Variants in ERAP1 observed in about 807,000 individuals in gnomAD.
ERAP1 encodes the protein adipocyte-derived leucine aminopeptidase.
ERAP1 carries 86 observed loss-of-function variants against 103.7 expected under a neutral mutation model. The observed-to-expected ratio is 0.83, with a 90% CI of 0.70 to 0.99. The LOEUF (loss-of-function observed/expected upper bound fraction) is 0.99, where lower values mean the gene tolerates loss of function less well. Among genes scored for constraint, ERAP1 ranks in the 50% least tolerant of loss-of-function variants. ERAP1 has a pLI of 0.00. For synonymous variants in ERAP1, 398 were observed against 402.4 expected (o/e 0.99, Z 0.13); for missense variants, 1,009 against 1,128.4 (o/e 0.89, Z 1.52).
chr5:96,853,617 T>A, the ERAP1 span, among the ~76,000 whole-genome samples: 1 of 152,228 alleles, frequency 6.6e-6, no homozygotes, highest in East Asian at 1.9e-4. Context: ...AGGAAGGGTT[T>A]TATGATGTGT....
intron 7 of ERAP1, among the ~76,000 whole-genome samples, 165 bp from the exon 8 acceptor site, chr5:96,792,357 C>A (rs1214944097): frequency 6.6e-6 from 1 of 152,114 alleles, no homozygotes; most frequent in African/African-American, 2.4e-5. Flanking sequence ...TTAATATATT[C>A]TAAAAGCTAC....
At chr5:96,913,584 A>G in the ERAP1 span, 1 of 1,172,324 alleles carries the variant, frequency 8.5e-7, no homozygotes. Flanking sequence ...AGTTCAGTGG[A>G]GTCAACTTTG....
chr5:96,770,485 A>G (rs1366211261), downstream of ERAP1: 9 of 1,213,370 alleles, frequency 7.4e-6, no homozygotes, highest in South Asian at 9.7e-5. Flanking sequence ...TAATTGCTAG[A>G]TGGATTGGTG....
intron 8 of ERAP1, among the ~76,000 whole-genome samples, chr5:96,791,483 A>T (rs1776730378): frequency 6.6e-6 from 1 of 152,198 alleles, no homozygotes; most frequent in African/African-American, 2.4e-5. Context: ...TGGCAGGGAA[A>T]GTGGAAAAGC....
the ERAP1 span, among the ~76,000 whole-genome samples, chr5:96,861,056 C>A: frequency 6.6e-6 from 1 of 151,962 alleles, no homozygotes. Flanking sequence ...ATTCTGTGGC[C>A]AAATTGTCTC....
intron 1 of ERAP1, among the ~76,000 whole-genome samples, chr5:96,805,214 C>T (rs1036108843): frequency 2.0e-5 from 3 of 152,032 alleles, no homozygotes; most frequent in African/African-American, 7.2e-5. Context: ...CTAACTCTGG[C>T]TGCATATTAA....
the ERAP1 span, among the ~76,000 whole-genome samples, chr5:96,891,723 T>C: frequency 6.6e-6 from 1 of 152,002 alleles, no homozygotes; most frequent in Non-Finnish European, 1.5e-5. Flanking sequence ...CAGAATCAAT[T>C]CCCAGAGCTT....
At chr5:96,831,153 G>C in the ERAP1 span, among the ~76,000 whole-genome samples, 3 of 152,330 alleles carry the variant, frequency 2.0e-5, no homozygotes, top group South Asian at 6.2e-4. Flanking sequence ...TTACAATCAT[G>C]GTGGAAGGTA....
chr5:96,916,253 A>C, the ERAP1 span, among the ~76,000 whole-genome samples: 1 of 151,346 alleles, frequency 6.6e-6, no homozygotes, highest in East Asian at 1.9e-4. Context: ...AAAACAAAAA[A>C]CAACAGCAAA....
At chr5:96,853,612 G>A in the ERAP1 span, among the ~76,000 whole-genome samples, 1 of 152,022 alleles carries the variant, frequency 6.6e-6, no homozygotes. Context: ...CTCCCAGGAA[G>A]GGTTTTATGA....
At chr5:96,913,795 G>C in the ERAP1 span, among the ~76,000 whole-genome samples, 1 of 152,186 alleles carries the variant, frequency 6.6e-6, no homozygotes, top group Admixed American at 6.5e-5. Flanking sequence ...AAGATGCCTT[G>C]TATAGTGCAT....
rs41276271 is a variant in ERAP1, at chr5:96,793,980, A to G, written c.920-23T>C. The stretch of plus-strand genomic sequence containing the variant: ...GATCTTGGGAAGGAAGTAATAAAAT[A>G]CATTACCAGTCTCTAAGCTATACAT... On this transcript the variant is annotated intron_variant, in intron 5 of 18. Transcript: ENST00000443439. 15,608 of 1,612,646 alleles carry G rather than the reference A, an allele frequency of 9.7e-3. 97 individuals carry two copies. Among genetic ancestry groups the G allele is most frequent in the Non-Finnish European group, 0.011 (13,444 of 1,178,708 alleles).
At chr5:96,901,455 C>T in the ERAP1 span, 2 of 1,583,894 alleles carry the variant, frequency 1.3e-6, no homozygotes, top group Middle Eastern at 3.4e-4. Context: ...GTCCCTCTGT[C>T]TTTGGATTGT....
the ERAP1 span, chr5:96,880,039 G>A: frequency 1.1e-5 from 18 of 1,613,990 alleles, no homozygotes; most frequent in Middle Eastern, 3.3e-4. Flanking sequence ...TTGAAATCAC[G>A]AATGCCACCC....
At chr5:96,864,560 TC>T in the ERAP1 span, among the ~76,000 whole-genome samples, 1 of 152,122 alleles carries the variant, frequency 6.6e-6, no homozygotes, top group Admixed American at 6.5e-5. Context: ...TAAACAGAAG[TC>T]ATATTTCAGC....
upstream of ERAP1, among the ~76,000 whole-genome samples, chr5:96,808,811 T>A (rs1778970364): frequency 6.6e-6 from 1 of 152,142 alleles, no homozygotes; most frequent in Admixed American, 6.5e-5. Flanking sequence ...AAACACCAAA[T>A]GCTACAAGTT....
the ERAP1 span, among the ~76,000 whole-genome samples, chr5:96,874,329 A>T: frequency 6.6e-6 from 1 of 152,204 alleles, no homozygotes; most frequent in Admixed American, 6.5e-5. Context: ...TTCATTCTCC[A>T]TCACCACTTC....
At chr5:96,840,387 CT>C in the ERAP1 span, among the ~76,000 whole-genome samples, 1 of 151,982 alleles carries the variant, frequency 6.6e-6, no homozygotes, top group Non-Finnish European at 1.5e-5. Flanking sequence ...TATTTTCACT[CT>C]TTTTTTTCTC....
At chr5:96,884,045 TC>T in the ERAP1 span, 4 of 355,972 alleles carry the variant, frequency 1.1e-5, no homozygotes, top group Non-Finnish European at 2.1e-5. Flanking sequence ...TATCTATCTA[TC>T]TATCTATCTA....
Sources: allele counts gnomAD v4.1 joint callset (sites outside exome capture counted in the v4.1 genomes callset), GRCh38; gene constraint gnomAD v4.1.1; transcripts MANE v1.5; gene names NCBI Gene and HGNC (gene_info 2026-07-23, HGNC 2026-07-21).